SLC28A1: variants seen among roughly 807,000 people sequenced by gnomAD.
The protein encoded by SLC28A1 is sodium/nucleoside cotransporter 1.
In SLC28A1, 64 loss-of-function variants were observed where a neutral mutation model predicts 74.8. That is an observed-to-expected ratio of 0.86 (90% CI 0.70 to 1.05). SLC28A1 has a LOEUF of 1.05. SLC28A1 is among the 50% of genes least tolerant of loss of function. The pLI is 0.00. For missense variants in SLC28A1, 828 were observed against 822.8 expected, an observed-to-expected ratio of 1.01 and a Z score of -0.08; for synonymous variants, 359 against 335.0, an observed-to-expected ratio of 1.07 and a Z score of -0.78.
chr15:84,930,382 C>T (rs1176861536), intron 12 of SLC28A1, among the ~76,000 whole-genome samples: 3 of 152,216 alleles, frequency 2.0e-5, no homozygotes, highest in African/African-American at 7.2e-5. Context: ...CCCAGGCTTG[C>T]ACACCCAGTG....
At chr15:84,886,623 C>G in intron 1 of SLC28A1, 49 bp from the exon 2 acceptor site, 8 of 985,492 alleles carry the variant, frequency 8.1e-6, no homozygotes, top group Non-Finnish European at 6.0e-6. Flanking sequence ...AGGCGCTGGG[C>G]AGAACTGGGT....
Position 84,902,890 on chromosome 15 carries a change from C to T in SLC28A1, c.462-1207C>T, listed in dbSNP as rs183824729. ...GACTACAGGCACCCACTGCCACGCT[C>T]GGCTAATTTTTGAATTTTTAGTAGA... On this transcript the variant is annotated intron_variant, in intron 6 of 18. Coordinates refer to ENST00000394573, the MANE Select transcript of SLC28A1 (RefSeq NM_004213.5). Among the ~76,000 whole-genome samples, 28 of 152,170 alleles carry T rather than the reference C, an allele frequency of 1.8e-4. 1 individual carries two copies. In the East Asian group the frequency reaches 2.5e-3, roughly 14 times the overall value.
chr15:84,912,797 T>TGCGCGCGCGCGCGTGC (rs148740007), intron 9 of SLC28A1, among the ~76,000 whole-genome samples: 13 of 118,250 alleles, frequency 1.1e-4, no homozygotes, highest in African/African-American at 4.3e-4. Flanking sequence ...TGCCAAATTT[T>TGCGCGCGCGCGCGTGC]GCGCGCGCGC....
chr15:84,934,371 G>A (rs1971645934), intron 13 of SLC28A1, among the ~76,000 whole-genome samples: 1 of 152,134 alleles, frequency 6.6e-6, no homozygotes, highest in African/African-American at 2.4e-5. Context: ...GACTGCCAGG[G>A]TGTCAACCAC....
chr15:84,887,727 C>T lies in SLC28A1; in HGVS notation c.-16-18C>T. 6.2e-7 allele frequency: 1 copy of T among 1,608,620 alleles called. No homozygotes were observed. Among genetic ancestry groups the T allele is most frequent in the Non-Finnish European group, 8.5e-7 (1 of 1,175,064 alleles). ...GGCCTCCCTTTCAGCGTTGGGCGCT[C>T]CCTGATTTGTCTTTCAGCTGGAAGG... On this transcript the variant is annotated intron_variant, in intron 2 of 18. Coordinates refer to ENST00000394573, the MANE Select transcript of SLC28A1 (RefSeq NM_004213.5).
At chr15:84,933,381 G>T in intron 13 of SLC28A1, 106 bp downstream of exon 13, 1 of 1,381,342 alleles carries the variant, frequency 7.2e-7, no homozygotes, top group South Asian at 1.2e-5. Flanking sequence ...ACTAGCCTGG[G>T]CCCATCTCTC....
intron 6 of SLC28A1, among the ~76,000 whole-genome samples, chr15:84,898,002 A>G (rs951766975): frequency 6.6e-5 from 10 of 152,196 alleles, no homozygotes; most frequent in African/African-American, 9.7e-5. Context: ...TCCATTGTGT[A>G]TATACACCAC....
chr15:84,960,532 ACAGG>A, the SLC28A1 span, among the ~76,000 whole-genome samples: 2 of 152,010 alleles, frequency 1.3e-5, no homozygotes, highest in African/African-American at 4.8e-5. Flanking sequence ...TGCTGGGATT[ACAGG>A]CATGATCCAC....
At chr15:84,928,527 GTTCTTTCT>G (rs1200042713) in intron 12 of SLC28A1, among the ~76,000 whole-genome samples, 3,119 of 47,262 alleles carry the variant, frequency 0.066, 732 homozygotes, top group Admixed American at 0.084. Context: ...AGGTTCGTTC[GTTCTTTCT>G]TTCTTTCTTT....
chr15:84,890,975 G>A (rs1367224104), intron 5 of SLC28A1, among the ~76,000 whole-genome samples: 1 of 152,192 alleles, frequency 6.6e-6, no homozygotes, highest in Non-Finnish European at 1.5e-5. Flanking sequence ...TTCGACGTCT[G>A]CACTGTAAGG....
chr15:84,957,336 C>T, the SLC28A1 span, among the ~76,000 whole-genome samples: 1 of 152,102 alleles, frequency 6.6e-6, no homozygotes, highest in African/African-American at 2.4e-5. Flanking sequence ...GCGCAGTCTC[C>T]ACTCACTGCA....
At chr15:84,939,193 G>A (rs1008670602) in intron 15 of SLC28A1, among the ~76,000 whole-genome samples, 7 of 152,152 alleles carry the variant, frequency 4.6e-5, no homozygotes, top group African/African-American at 9.7e-5. Flanking sequence ...AGTGGTGCAC[G>A]CCTGTGGTCT....
chr15:84,910,570 A>G (rs1968022169), intron 9 of SLC28A1, among the ~76,000 whole-genome samples: 1 of 152,058 alleles, frequency 6.6e-6, no homozygotes, highest in African/African-American at 2.4e-5. Context: ...CTCTACTAAA[A>G]ATACAAAATT....
the SLC28A1 span, among the ~76,000 whole-genome samples, chr15:84,960,412 C>A: frequency 2.0e-5 from 3 of 152,092 alleles, no homozygotes; most frequent in African/African-American, 7.2e-5. Context: ...CATGTGCCAC[C>A]ATGCCCGGCT....
chr15:84,906,056 G>C (rs1283913254), intron 8 of SLC28A1, among the ~76,000 whole-genome samples: 8 of 132,308 alleles, frequency 6.0e-5, no homozygotes, highest in Non-Finnish European at 1.3e-4. Context: ...GTCTCGCTTT[G>C]TCACCCAGGC....
chr15:84,916,156 G>C (rs1969062150), intron 9 of SLC28A1, among the ~76,000 whole-genome samples: 1 of 150,508 alleles, frequency 6.6e-6, no homozygotes, highest in South Asian at 2.1e-4. Flanking sequence ...GTAGAGATGG[G>C]GTTTCACCAT....
In SLC28A1 at chr15:84,944,852, G is replaced by A. The variant is rs147924097; in HGVS notation, c.1859G>A (p.Arg620His). ...AGCTTTGAGATTTACCAGTGCTGCC[G>A]TGAGGCCTTCCAGAGGTGAGGGCCT... ...SSSFEIYQCC[R>H]EAFQSVNPEF... Residue 620 changes from arginine (R) to histidine (H), a missense_variant, in exon 18 of 19, where the codon CGT (arginine) becomes CAT (histidine). By Grantham distance (29) the Arg-to-His change is conservative. Transcript: ENST00000394573. 620 of 1,612,498 alleles carry A rather than the reference G, an allele frequency of 3.8e-4. 1 individual carries two copies. Among genetic ancestry groups the A allele is most frequent in the Middle Eastern group, 5.0e-4 (3 of 6,058 alleles).
At chr15:84,941,500 C>T (rs8030045) in intron 15 of SLC28A1, among the ~76,000 whole-genome samples, 28,714 of 151,966 alleles carry the variant, frequency 0.19, 3,287 homozygotes, top group South Asian at 0.43. Flanking sequence ...CCACTGCACC[C>T]GGCCGGGATT....
intron 11 of SLC28A1, among the ~76,000 whole-genome samples, chr15:84,922,570 C>G (rs1172986403): frequency 6.6e-6 from 1 of 152,190 alleles, no homozygotes; most frequent in Non-Finnish European, 1.5e-5. Flanking sequence ...CCGTCTCCTC[C>G]TACCTCTTCT....
Sources: gnomAD v4.1 joint callset for allele counts (sites outside exome capture counted in the v4.1 genomes callset) on GRCh38, gnomAD v4.1.1 for gene constraint, MANE v1.5 for transcripts, NCBI Gene and HGNC (gene_info 2026-07-23, HGNC 2026-07-21) for gene names.